AGAP1: variants seen among roughly 807,000 people sequenced by gnomAD.
The protein encoded by AGAP1 is arf-GAP with GTPase, ANK repeat and PH domain-containing protein 1.
Under a neutral mutation model 105.3 loss-of-function variants are expected in AGAP1, and 29 were observed. That is an observed-to-expected ratio of 0.28 (90% CI 0.21 to 0.38). The LOEUF (loss-of-function observed/expected upper bound fraction) is 0.38, where lower values mean the gene tolerates loss of function less well. Among genes scored for constraint, AGAP1 ranks in the 10% least tolerant of loss-of-function variants. The pLI is 1.00. For missense variants in AGAP1, 998 were observed against 1,165.1 expected, an observed-to-expected ratio of 0.86 and a Z score of 2.09; for synonymous variants, 509 against 485.9, an observed-to-expected ratio of 1.05 and a Z score of -0.63.
rs572022595 is a variant in AGAP1, at chr2:235,989,265, A to G, written c.1645+20642A>G. ...TATTTATTGACCAGGTACTGTGTAG[A>G]GGTCGCTGCTGCGTGTGGCTTCACC... On this transcript the variant is annotated intron_variant, in intron 13 of 17. Transcript: ENST00000304032. The surrounding 1 kb of genome is among the most constrained non-coding windows in gnomAD (Gnocchi z 4.4). 4.6e-5 allele frequency among the ~76,000 whole-genome samples: 7 copies of G among 152,156 alleles called. No individual in the cohort carries two copies. The highest frequency in any genetic ancestry group is 4.2e-4 in the South Asian group (2 of 4,810).
intron 1 of AGAP1, chr2:235,671,055 G>C (rs1948390065): frequency 1.6e-6 from 2 of 1,270,262 alleles, no homozygotes. Flanking sequence ...TCCCCGCGCA[G>C]AGGTGGGCAG....
chr2:235,927,183 G>A lies in AGAP1; in HGVS notation c.1325-3582G>A, dbSNP rs930404349. Among the ~76,000 whole-genome samples the A allele has an allele frequency of 5.9e-5, 9 of 152,150 alleles. No individual in the cohort carries two copies. The highest frequency in any genetic ancestry group is 2.0e-4 in the Admixed American group (3 of 15,274). ...GGCTGGGGCTGGGGGGCCTTCACGAGCTATAGGGCTCTAAGAGTCTGCCGT... is the reference window on the plus strand; with the variant it reads ...GGCTGGGGCTGGGGGGCCTTCACGAACTATAGGGCTCTAAGAGTCTGCCGT... On this transcript the variant is annotated intron_variant, in intron 11 of 17. Coordinates refer to ENST00000304032, the MANE Select transcript of AGAP1 (RefSeq NM_001037131.3). The surrounding 1 kb of genome is among the most constrained non-coding windows in gnomAD (Gnocchi z 4.4).
rs1204725343 is a variant in AGAP1, at chr2:236,045,650, C to T, written c.1892-3409C>T. Among the ~76,000 whole-genome samples the T allele has an allele frequency of 6.6e-6, 1 of 152,240 alleles. No individual in the cohort carries two copies. The highest frequency in any genetic ancestry group is 6.5e-5 in the Admixed American group (1 of 15,286). On this transcript the variant is annotated intron_variant, in intron 15 of 17. Coordinates refer to ENST00000304032, the MANE Select transcript of AGAP1 (RefSeq NM_001037131.3). This position sits in a 1 kb window ranked among gnomAD's most constrained non-coding sequence, Gnocchi z 6.9. ...TGAAGCCAGGTGGAGGGGCAGGAGACAGTGCAGAGGTCTGAGTCCGTGCCA... is the reference window on the plus strand; with the variant it reads ...TGAAGCCAGGTGGAGGGGCAGGAGATAGTGCAGAGGTCTGAGTCCGTGCCA...
At chr2:235,495,554 G>T (rs1941279050) in intron 1 of AGAP1, among the ~76,000 whole-genome samples, 1 of 152,254 alleles carries the variant, frequency 6.6e-6, no homozygotes, top group Non-Finnish European at 1.5e-5. Context: ...GGCCACTGAA[G>T]TGGAGGGTGC....
At chr2:235,640,085 G>A (rs1303179150) in intron 1 of AGAP1, among the ~76,000 whole-genome samples, 1 of 152,172 alleles carries the variant, frequency 6.6e-6, no homozygotes, top group Non-Finnish European at 1.5e-5. Context: ...CCTCTCAGGC[G>A]CACACCAGCA....
intron 14 of AGAP1, among the ~76,000 whole-genome samples, chr2:236,039,518 A>C (rs1467515193): frequency 2.0e-5 from 3 of 152,218 alleles, no homozygotes; most frequent in Non-Finnish European, 4.4e-5. Flanking sequence ...TTCTTAGTAA[A>C]TAATCATGAG....
At chr2:235,827,900 C>A (rs766278618) in intron 9 of AGAP1, among the ~76,000 whole-genome samples, 21 of 152,218 alleles carry the variant, frequency 1.4e-4, no homozygotes, top group Non-Finnish European at 3.1e-4. Context: ...GCCCGGAGGG[C>A]TGGGCTGCGA....
intron 3 of AGAP1, among the ~76,000 whole-genome samples, chr2:235,731,445 A>G (rs945791911): frequency 1.3e-4 from 20 of 152,196 alleles, no homozygotes; most frequent in African/African-American, 4.6e-4. Context: ...TTTATAGGCT[A>G]TTTTGATGTA....
rs1957394926 is a variant in AGAP1 at position 235,799,523 on chromosome 2, G to A, written c.957+1G>A. On this transcript the variant is annotated splice_donor_variant, in intron 8 of 17. Transcript: ENST00000304032. LOFTEE classifies it high-confidence loss of function. The surrounding 1 kb of genome is among the most constrained non-coding windows in gnomAD (Gnocchi z 5.0). ...TAAGCGCCGGTCCAACCTGTTCACC[G>A]TGAGTGTCAACCCTGGGTGGAGATT... The A allele has an allele frequency of 3.7e-6, 6 of 1,613,642 alleles. No individual in the cohort carries two copies. The highest frequency in any genetic ancestry group is 5.1e-6 in the Non-Finnish European group (6 of 1,179,650).
rs7420415 is a variant in AGAP1 at position 236,014,093 on chromosome 2, G to A, written c.1646-22468G>A. On this transcript the variant is annotated intron_variant, in intron 13 of 17. Transcript: ENST00000304032. The surrounding 1 kb of genome is among the most constrained non-coding windows in gnomAD (Gnocchi z 6.3). ...TTAAATTGGTTCTCTTCCGAACCCAGCGTCCCACTGTCGGTGACTTGGCGT... is the reference window on the plus strand; with the variant it reads ...TTAAATTGGTTCTCTTCCGAACCCAACGTCCCACTGTCGGTGACTTGGCGT... Among the ~76,000 whole-genome samples the A allele has an allele frequency of 0.38, 57,150 of 151,828 alleles. 11,111 individuals are homozygous for A. The highest frequency in any genetic ancestry group is 0.52 in the South Asian group (2,488 of 4,802).
rs1957514479 is a variant in AGAP1, at chr2:235,801,925, A to G, written c.957+2403A>G. On this transcript the variant is annotated intron_variant, in intron 8 of 17. Transcript: ENST00000304032. The surrounding 1 kb of genome is among the most constrained non-coding windows in gnomAD (Gnocchi z 6.0). Reference sequence around the variant, plus strand: ...TAAAAATGAGACTATTTATAAGGAGAATACCAGCACCTTCCCATCCCCTCC... The same window carrying G: ...TAAAAATGAGACTATTTATAAGGAGGATACCAGCACCTTCCCATCCCCTCC... Among the ~76,000 whole-genome samples, 2 of 152,088 alleles carry G rather than the reference A, an allele frequency of 1.3e-5. No individual in the cohort carries two copies. Among genetic ancestry groups the G allele is most frequent in the South Asian group, 4.2e-4 (2 of 4,810 alleles).
intron 9 of AGAP1, among the ~76,000 whole-genome samples, chr2:235,811,618 G>C (rs1290278681): frequency 6.6e-6 from 1 of 152,212 alleles, no homozygotes; most frequent in African/African-American, 2.4e-5. Flanking sequence ...CAGGGGATTG[G>C]CATTCCTAGG....
intron 1 of AGAP1, among the ~76,000 whole-genome samples, chr2:235,661,524 G>T (rs1249210176): frequency 2.8e-5 from 4 of 142,322 alleles, no homozygotes; most frequent in Non-Finnish European, 4.4e-5. Flanking sequence ...GCTGGCCAGG[G>T]CTGTGGGGGT....
chr2:236,079,257 C>T (rs1284876466), intron 16 of AGAP1, among the ~76,000 whole-genome samples: 3 of 145,426 alleles, frequency 2.1e-5, no homozygotes, highest in Admixed American at 2.0e-4. Context: ...CGGTGGCTTA[C>T]ACCTGTAATC....
At chr2:236,081,215 G>T (rs1223291798) in intron 16 of AGAP1, among the ~76,000 whole-genome samples, 1 of 151,950 alleles carries the variant, frequency 6.6e-6, no homozygotes, top group South Asian at 2.1e-4. Flanking sequence ...GGGAAGGGAG[G>T]GTCCTGGCTA....
intron 1 of AGAP1, among the ~76,000 whole-genome samples, chr2:235,598,260 C>G (rs1019382964): frequency 6.6e-6 from 1 of 152,174 alleles, no homozygotes; most frequent in South Asian, 2.1e-4. Flanking sequence ...TGGTTCCTGC[C>G]TGCCCCCACT....
chr2:236,100,341 TG>T (rs1283992546), intron 16 of AGAP1, among the ~76,000 whole-genome samples: 1 of 152,216 alleles, frequency 6.6e-6, no homozygotes, highest in East Asian at 1.9e-4. Context: ...GTGATAGGTT[TG>T]GTGATTTTAA....
intron 11 of AGAP1, among the ~76,000 whole-genome samples, chr2:235,918,287 T>C (rs570367491): frequency 1.3e-5 from 2 of 152,368 alleles, no homozygotes; most frequent in Non-Finnish European, 2.9e-5. Context: ...CGAGAATTAT[T>C]TTTCTGAAAT....
In AGAP1 at chr2:235,977,055, C is replaced by T. The variant is rs938460424; in HGVS notation, c.1645+8432C>T. ...TACAGAAATGTGACGGACCTCAACT[C>T]CTTTTTTTTAGCTAGACTTAGAGAT... On this transcript the variant is annotated intron_variant, in intron 13 of 17. Coordinates refer to ENST00000304032, the MANE Select transcript of AGAP1 (RefSeq NM_001037131.3). The surrounding 1 kb of genome is among the most constrained non-coding windows in gnomAD (Gnocchi z 5.2). Among the ~76,000 whole-genome samples the T allele has an allele frequency of 1.7e-4, 26 of 152,172 alleles. No individual in the cohort carries two copies. The highest frequency in any genetic ancestry group is 3.5e-4 in the Non-Finnish European group (24 of 68,026).
Sources: gnomAD v4.1 joint callset for allele counts (sites outside exome capture counted in the v4.1 genomes callset) on GRCh38, gnomAD v4.1.1 for gene constraint, Gnocchi (gnomAD v3.1) non-coding constraint, MANE v1.5 for transcripts, NCBI Gene and HGNC (gene_info 2026-07-23, HGNC 2026-07-21) for gene names.